PPAN: variants seen among roughly 807,000 people sequenced by gnomAD.
PPAN encodes the protein peter pan homolog, also known as suppressor of SWI4 1 homolog.
Under a neutral mutation model 48.5 loss-of-function variants are expected in PPAN, and 39 were observed. The ratio of observed to expected loss-of-function variants is 0.80; its 90% CI spans 0.62 to 1.05. PPAN has a LOEUF of 1.05. Among genes scored for constraint, PPAN ranks in the 50% least tolerant of loss-of-function variants. The pLI, the probability that PPAN is intolerant of heterozygous loss-of-function variation, is 0.00. For missense variants in PPAN, 736 were observed against 661.7 expected, an observed-to-expected ratio of 1.11 and a Z score of -1.23; for synonymous variants, 315 against 268.6, an observed-to-expected ratio of 1.17 and a Z score of -1.69.
chr19:10,111,538 G>C lies in PPAN; in HGVS notation c.*373G>C. On this transcript the variant is annotated 3_prime_UTR_variant, in exon 12 of 12. Transcript: ENST00000253107. Reference sequence around the variant, plus strand: ...GGTCACACTTTCAGCAGATGAGCTTGAACCTCAGGAGGGTTGTGGCACAAT... The same window carrying C: ...GGTCACACTTTCAGCAGATGAGCTTCAACCTCAGGAGGGTTGTGGCACAAT... 1.4e-6 allele frequency: 1 copy of C among 706,594 alleles called. No homozygotes were observed. Among genetic ancestry groups the C allele is most frequent in the South Asian group, 1.7e-5 (1 of 57,872 alleles). The allele number at this position is 706,594 out of a possible 1,614,324, so 43.8% of individuals were successfully genotyped here.
chr19:10,109,017 G>A (rs1186190782), intron 5 of PPAN, among the ~76,000 whole-genome samples: 5 of 149,132 alleles, frequency 3.4e-5, no homozygotes, highest in Admixed American at 2.7e-4. Flanking sequence ...GCTGGAGTGC[G>A]GTGGCACAAT....
At chr19:10,109,744 C>T (rs369328414) in intron 6 of PPAN, 37 bp downstream of exon 6, 36 of 1,605,332 alleles carry the variant, frequency 2.2e-5, no homozygotes, top group Non-Finnish European at 2.7e-5. Flanking sequence ...GAGGGGGTGC[C>T]GGGTGGGGGC....
Position 10,110,939 on chromosome 19 carries a change from C to T in PPAN, c.1202-6C>T. On this transcript the variant is annotated splice_region_variant and splice_polypyrimidine_tract_variant and intron_variant, in intron 11 of 11. Coordinates refer to ENST00000253107, the MANE Select transcript of PPAN (RefSeq NM_020230.7). The surrounding 1 kb of genome is among the most constrained non-coding windows in gnomAD (Gnocchi z 5.9). Reference sequence around the variant, plus strand: ...CTGGGGGCCCTGACACTGTCTCTCCCCACAGACCTGTTCCCCGAGGCCAAG... The same window carrying T: ...CTGGGGGCCCTGACACTGTCTCTCCTCACAGACCTGTTCCCCGAGGCCAAG... The T allele has an allele frequency of 6.2e-7, 1 of 1,613,418 alleles. No homozygotes were observed. The highest frequency in any genetic ancestry group is 1.6e-4 in the Middle Eastern group (1 of 6,062).
chr19:10,109,608 A>G (rs1470267541), intron 5 of PPAN, 23 bp from the exon 6 acceptor site: 7 of 1,607,850 alleles, frequency 4.4e-6, no homozygotes, highest in African/African-American at 1.3e-5. Flanking sequence ...CTACTGGACT[A>G]TGCTCTCTTC....
Position 10,110,271 on chromosome 19 carries a change from C to T in PPAN, c.822+25C>T. 1 of 1,612,466 alleles carries T rather than the reference C, an allele frequency of 6.2e-7. No individual in the cohort carries two copies. Among genetic ancestry groups the T allele is most frequent in the Non-Finnish European group, 8.5e-7 (1 of 1,179,598 alleles). ...GGTGAGGCCCAGGGCAGGGGGACCCCCGGGCTCCACCAGTCCCAACGGTGG... is the reference window on the plus strand; with the variant it reads ...GGTGAGGCCCAGGGCAGGGGGACCCTCGGGCTCCACCAGTCCCAACGGTGG... On this transcript the variant is annotated intron_variant, in intron 8 of 11. Coordinates refer to ENST00000253107, the MANE Select transcript of PPAN (RefSeq NM_020230.7). The surrounding 1 kb of genome is among the most constrained non-coding windows in gnomAD (Gnocchi z 5.9).
In PPAN at chr19:10,111,300, G is replaced by T. The variant is rs2089063564; in HGVS notation, c.*135G>T. On this transcript the variant is annotated 3_prime_UTR_variant, in exon 12 of 12. Coordinates refer to ENST00000253107, the MANE Select transcript of PPAN (RefSeq NM_020230.7). ...CAGTAAAGAACTGAATTGGCCAGGG[G>T]TCCACGTCAGCGTTTGGGATGGGGG... 2 of 1,090,146 alleles carry T rather than the reference G, an allele frequency of 1.8e-6. No individual in the cohort carries two copies. The highest frequency in any genetic ancestry group is 2.9e-5 in the Admixed American group (1 of 34,506). The allele number at this position is 1,090,146 out of a possible 1,614,324, so 67.5% of individuals were successfully genotyped here.
rs1007657270 is a variant in PPAN, at chr19:10,111,891, C to T, written c.*726C>T. 1.2e-6 allele frequency: 1 copy of T among 838,440 alleles called. No individual in the cohort carries two copies. Among genetic ancestry groups the T allele is most frequent in the Non-Finnish European group, 1.9e-6 (1 of 522,976 alleles). The allele number at this position is 838,440 out of a possible 1,614,324, so 51.9% of individuals were successfully genotyped here. A position where few individuals can be genotyped will look rare whatever the true frequency, so the allele number is the denominator to read the frequency against. On this transcript the variant is annotated 3_prime_UTR_variant, in exon 12 of 12. Transcript: ENST00000253107. ...CTTTGGGAGGTCGAGGGGGGTGGAA[C>T]ACGAGGTCAGGGGTTCGAGACCACC...
chr19:10,108,618 G>T (rs975550679), intron 5 of PPAN, among the ~76,000 whole-genome samples: 1 of 152,022 alleles, frequency 6.6e-6, no homozygotes, highest in South Asian at 2.1e-4. Context: ...CCGGTGTGGC[G>T]GTGCATGCCT....
Position 10,110,202 on chromosome 19 carries a change from C to T in PPAN, c.778C>T (p.Arg260Cys), listed in dbSNP as rs754087324. The T allele has an allele frequency of 4.3e-6, 7 of 1,611,114 alleles. No homozygotes were observed. The highest frequency in any genetic ancestry group is 1.1e-5 in the South Asian group (1 of 91,074). ...ITELPQAVAGRGNMRAQQSAV... is the reference protein window; with the variant it reads ...ITELPQAVAGCGNMRAQQSAV... Reference sequence around the variant, plus strand: ...AGAGCTGCCTCAGGCTGTCGCTGGCCGTGGCAACATGCGGGCCCAGCAGAG... The same window carrying T: ...AGAGCTGCCTCAGGCTGTCGCTGGCTGTGGCAACATGCGGGCCCAGCAGAG... Residue 260 changes from arginine (R) to cysteine (C), a missense_variant, in exon 8 of 12, where the codon CGT becomes TGT. Coordinates refer to ENST00000253107, the MANE Select transcript of PPAN (RefSeq NM_020230.7). The surrounding 1 kb of genome is among the most constrained non-coding windows in gnomAD (Gnocchi z 5.9).
Position 10,110,748 on chromosome 19 carries a change from A to T in PPAN, c.1083A>T (p.Glu361Asp). The T allele has an allele frequency of 6.2e-7, 1 of 1,613,916 alleles. No homozygotes were observed. The highest frequency in any genetic ancestry group is 1.1e-5 in the South Asian group (1 of 91,070). Residue 361 changes from glutamate to aspartate, a missense_variant, in exon 11 of 12, where the codon GAA becomes GAT. Transcript: ENST00000253107. This position sits in a 1 kb window ranked among gnomAD's most constrained non-coding sequence, Gnocchi z 5.9. Reference sequence around the variant, plus strand: ...AGGCACGGGTCGGGGGTAGTGATGAAGAGGCCTCTGGGATCCCTTCAAGGA... The same window carrying T: ...AGGCACGGGTCGGGGGTAGTGATGATGAGGCCTCTGGGATCCCTTCAAGGA... ...MKKARVGGSDEEASGIPSRTA... is the reference protein window; with the variant it reads ...MKKARVGGSDDEASGIPSRTA...
rs561050571 is a variant in PPAN at position 10,111,597 on chromosome 19, C to T, written c.*432C>T. 27 of 1,229,656 alleles carry T rather than the reference C, an allele frequency of 2.2e-5. No homozygotes were observed. Among genetic ancestry groups the T allele is most frequent in the Middle Eastern group, 4.3e-4 (2 of 4,624 alleles). 76.2% of individuals were successfully genotyped at this position (1,229,656 alleles called of 1,614,324 possible). A position where few individuals can be genotyped will look rare whatever the true frequency, so the allele number is the denominator to read the frequency against. ...AAACGTGGGTGGAAAGGCACGCTGG[C>T]CTGCTCTGCTGGCTGGGCCAGTAAC... On this transcript the variant is annotated 3_prime_UTR_variant, in exon 12 of 12. Transcript: ENST00000253107.
chr19:10,109,122 C>G lies in PPAN; in HGVS notation c.514-509C>G, dbSNP rs563711242. On this transcript the variant is annotated intron_variant, in intron 5 of 11. Transcript: ENST00000253107. ...GACTACAGGTGCCCGCCACCACACC[C>G]CGGCTAATTTTTTGTATTTTTAGTA... Among the ~76,000 whole-genome samples the G allele has an allele frequency of 5.9e-5, 9 of 152,132 alleles. No individual in the cohort carries two copies. The South Asian group carries it at 1.7e-3, about 28-fold the overall frequency.
Position 10,110,790 on chromosome 19 carries a change from G to T in PPAN, c.1125G>T (p.Leu375Phe). 1 of 1,614,004 alleles carries T rather than the reference G, an allele frequency of 6.2e-7. No individual in the cohort carries two copies. The highest frequency in any genetic ancestry group is 1.7e-5 in the Admixed American group (1 of 60,018). The change falls in exon 11 of 12, where the codon TTG becomes TTT. Residue 375 changes from leucine to phenylalanine, a missense_variant. Coordinates refer to ENST00000253107, the MANE Select transcript of PPAN (RefSeq NM_020230.7). The surrounding 1 kb of genome is among the most constrained non-coding windows in gnomAD (Gnocchi z 5.9). ...GIPSRTASLE[L>F]GEDDDEQEDD... Reference sequence around the variant, plus strand: ...CTTCAAGGACGGCGAGCCTGGAGTTGGGTGAGGACGATGATGAACAGGAAG... The same window carrying T: ...CTTCAAGGACGGCGAGCCTGGAGTTTGGTGAGGACGATGATGAACAGGAAG...
At chr19:10,107,422 A>G (rs185842606) in intron 2 of PPAN, 83 bp from the exon 3 acceptor site, 7 of 1,463,476 alleles carry the variant, frequency 4.8e-6, no homozygotes, top group East Asian at 4.7e-5. Context: ...AAGACAGACC[A>G]TAACAGGATC....
Position 10,110,415 on chromosome 19 carries a change from C to A in PPAN, c.901+13C>A. 1 of 1,612,834 alleles carries A rather than the reference C, an allele frequency of 6.2e-7. No homozygotes were observed. Among genetic ancestry groups the A allele is most frequent in the East Asian group, 2.2e-5 (1 of 44,828 alleles). ...TTCCACAGTTTTGGTGAGGCCGGGGCCGCCGGGGGTGGGGGGTCATGGGTG... is the reference window on the plus strand; with the variant it reads ...TTCCACAGTTTTGGTGAGGCCGGGGACGCCGGGGGTGGGGGGTCATGGGTG... On this transcript the variant is annotated intron_variant, in intron 9 of 11. Coordinates refer to ENST00000253107, the MANE Select transcript of PPAN (RefSeq NM_020230.7). This position sits in a 1 kb window ranked among gnomAD's most constrained non-coding sequence, Gnocchi z 5.9.
At position 10,111,279 on chromosome 19, in the gene PPAN, A is replaced by G. The variant is rs767064698; in HGVS notation, c.*114A>G. Reference sequence around the variant, plus strand: ...GTGTCCCCAGCCCTTCCACTCCAGTAAAGAACTGAATTGGCCAGGGGTCCA... The same window carrying G: ...GTGTCCCCAGCCCTTCCACTCCAGTGAAGAACTGAATTGGCCAGGGGTCCA... On this transcript the variant is annotated 3_prime_UTR_variant, in exon 12 of 12. Coordinates refer to ENST00000253107, the MANE Select transcript of PPAN (RefSeq NM_020230.7). The G allele has an allele frequency of 2.0e-5, 25 of 1,237,378 alleles. No individual in the cohort carries two copies. The highest frequency in any genetic ancestry group is 2.6e-5 in the Non-Finnish European group (24 of 918,482). The allele number at this position is 1,237,378 out of a possible 1,614,324, so 76.6% of individuals were successfully genotyped here.
In PPAN at chr19:10,107,354, C is replaced by T. The variant is rs1551570; in HGVS notation, c.190-151C>T. On this transcript the variant is annotated intron_variant, in intron 2 of 11. Coordinates refer to ENST00000253107, the MANE Select transcript of PPAN (RefSeq NM_020230.7). ...AGTTAGAACTCAAATCTGCGTCCGA[C>T]TGACTCTAAAGGCTAAGATCCTTTT... The T allele has an allele frequency of 0.59, 433,683 of 738,918 alleles. 129,012 individuals are homozygous for T. The highest frequency in any genetic ancestry group is 0.72 in the East Asian group (26,379 of 36,816). The allele number at this position is 738,918 out of a possible 1,614,324, so 45.8% of individuals were successfully genotyped here. A position where few individuals can be genotyped will look rare whatever the true frequency, so the allele number is the denominator to read the frequency against.
At position 10,106,618 on chromosome 19, in the gene PPAN, C is replaced by T. The variant is rs1429193614; in HGVS notation, c.136C>T (p.Leu46Phe). ...CTGCACGGGTCGCAACATCCGGCAG[C>T]TCAGCCTGGACGTGCGGCGGGTCAT... is the stretch of plus-strand genomic sequence containing the variant. ...RGCTGRNIRQLSLDVRRVMEP... is the reference protein window; with the variant it reads ...RGCTGRNIRQFSLDVRRVMEP... Residue 46 changes from leucine to phenylalanine, a missense_variant, in exon 2 of 12, where the codon CTC (leucine) becomes TTC (phenylalanine). Leu to Phe is a conservative substitution (Grantham distance 22). Coordinates refer to ENST00000253107, the MANE Select transcript of PPAN (RefSeq NM_020230.7). The T allele has an allele frequency of 1.9e-6, 3 of 1,551,166 alleles. No individual in the cohort carries two copies. Among genetic ancestry groups the T allele is most frequent in the Non-Finnish European group, 2.6e-6 (3 of 1,148,456 alleles).
rs376685309 is a variant in PPAN at position 10,107,970 on chromosome 19, C to A, written c.349C>A (p.Leu117Met). 2 of 1,607,554 alleles carry A rather than the reference C, an allele frequency of 1.2e-6. No homozygotes were observed. Among genetic ancestry groups the A allele is most frequent in the Non-Finnish European group, 1.7e-6 (2 of 1,176,148 alleles). The change falls in exon 5 of 12, where the codon CTG (leucine) becomes ATG (methionine). Residue 117 changes from leucine (L) to methionine (M), a missense_variant. Transcript: ENST00000253107. The stretch of plus-strand genomic sequence containing the variant: ...CCTCTCTCCTGTCCTACAGTACTCG[C>A]TGGTGCGTGATGTGGTCTCCTCACT... ...TLTFQVKKYS[L>M]VRDVVSSLRR...
Sources: allele counts gnomAD v4.1 joint callset (sites outside exome capture counted in the v4.1 genomes callset), GRCh38; gene constraint gnomAD v4.1.1; non-coding constraint Gnocchi (gnomAD v3.1); transcripts MANE v1.5; gene names NCBI Gene and HGNC (gene_info 2026-07-23, HGNC 2026-07-21).